LRRC28: variants seen among roughly 807,000 people sequenced by gnomAD.
LRRC28 encodes leucine rich repeat containing 28.
In LRRC28, 39 loss-of-function variants were observed where a neutral mutation model predicts 45.7. That is an observed-to-expected ratio of 0.85 (90% confidence interval 0.66 to 1.12). The LOEUF (loss-of-function observed/expected upper bound fraction) is 1.12. LRRC28 is among the 50% of genes most tolerant of loss of function. LRRC28 has a pLI of 0.00. For missense variants in LRRC28, 435 were observed against 438.5 expected, an observed-to-expected ratio of 0.99 and a Z score of 0.07; for synonymous variants, 206 against 178.8, an observed-to-expected ratio of 1.15 and a Z score of -1.22.
intron 9 of LRRC28, among the ~76,000 whole-genome samples, chr15:99,363,601 A>C (rs1322843363): frequency 6.6e-6 from 1 of 152,220 alleles, no homozygotes; most frequent in African/African-American, 2.4e-5. Context: ...ACATAACGGG[A>C]TGAGCCCAGC....
At chr15:99,330,897 CTT>C (rs1956139729) in intron 5 of LRRC28, among the ~76,000 whole-genome samples, 1 of 151,704 alleles carries the variant, frequency 6.6e-6, no homozygotes, top group Non-Finnish European at 1.5e-5. Flanking sequence ...TAGTTATCTT[CTT>C]GTTTCCTCTG....
intron 6 of LRRC28, among the ~76,000 whole-genome samples, chr15:99,347,121 T>A (rs1259512349): frequency 6.6e-6 from 1 of 152,200 alleles, no homozygotes; most frequent in Non-Finnish European, 1.5e-5. Flanking sequence ...CTGAACTTGT[T>A]CATCCTATAT....
chr15:99,388,171 A>G lies in LRRC28; in HGVS notation c.*2069A>G, dbSNP rs978345214. On this transcript the variant is annotated 3_prime_UTR_variant, in exon 10 of 10. Transcript: ENST00000301981. The stretch of plus-strand genomic sequence containing the variant: ...ATAAGTTAGCTGGTGAAAATGTGGC[A>G]TGAAACTTCACAATTGTGCTTCAGG... The G allele has an allele frequency of 6.6e-6, 1 of 152,270 alleles. No individual in the cohort carries two copies. Among genetic ancestry groups the G allele is most frequent in the African/African-American group, 2.4e-5 (1 of 41,474 alleles). 9.4% of individuals were successfully genotyped at this position (152,270 alleles called of 1,614,324 possible).
At position 99,256,099 on chromosome 15, in the gene LRRC28, A is replaced by G. The variant is rs761220145; in HGVS notation, c.142A>G (p.Met48Val). 1.2e-6 allele frequency: 2 copies of G among 1,611,380 alleles called. No individual in the cohort carries two copies. Among genetic ancestry groups the G allele is most frequent in the Non-Finnish European group, 1.7e-6 (2 of 1,179,006 alleles). The part of the protein sequence containing the change: ...EGLQYLERLY[M>V]KRNSLTSLPE... ...ACTGCAGTACTTGGAGAGACTCTAT[A>G]TGAAAAGGAACTCCCTGACATCCTT... The change falls in exon 2 of 10, where the codon ATG (methionine) becomes GTG (valine). Residue 48 changes from methionine to valine, a missense_variant. Coordinates refer to ENST00000301981, the MANE Select transcript of LRRC28 (RefSeq NM_144598.5).
intron 6 of LRRC28, among the ~76,000 whole-genome samples, chr15:99,342,009 A>G (rs1218269940): frequency 2.6e-5 from 4 of 152,218 alleles, no homozygotes; most frequent in Admixed American, 1.3e-4. Flanking sequence ...TGCTCTTCAT[A>G]CAAGCAGCCA....
At position 99,386,130 on chromosome 15, in the gene LRRC28, G is replaced by A. The variant is rs370623903; in HGVS notation, c.*28G>A. The A allele has an allele frequency of 9.4e-6, 15 of 1,589,366 alleles. No homozygotes were observed. In the African/African-American group the frequency reaches 1.7e-4, roughly 18 times the overall value. On this transcript the variant is annotated 3_prime_UTR_variant, in exon 10 of 10. Transcript: ENST00000301981. Reference sequence around the variant, plus strand: ...AACACTCAAGAACCTCAGGAGCGCTGCCAGCTTGACACTGGGGAATCCAGC... The same window carrying A: ...AACACTCAAGAACCTCAGGAGCGCTACCAGCTTGACACTGGGGAATCCAGC...
intron 5 of LRRC28, among the ~76,000 whole-genome samples, chr15:99,294,287 C>T (rs1019338600): frequency 4.6e-5 from 7 of 151,962 alleles, no homozygotes; most frequent in Non-Finnish European, 1.0e-4. Flanking sequence ...TCTGGTTACG[C>T]ACATTAGATA....
intron 7 of LRRC28, among the ~76,000 whole-genome samples, chr15:99,353,279 C>A (rs1440960605): frequency 6.6e-6 from 1 of 152,164 alleles, no homozygotes; most frequent in Non-Finnish European, 1.5e-5. Flanking sequence ...CCTTCTAGTC[C>A]CCATCATCCT....
intron 2 of LRRC28, among the ~76,000 whole-genome samples, chr15:99,261,960 CT>C (rs2081210455): frequency 2.0e-5 from 3 of 152,008 alleles, no homozygotes; most frequent in Non-Finnish European, 4.4e-5. Flanking sequence ...CCCGGCTGGT[CT>C]CACCTTTTAA....
chr15:99,387,121 C>CT lies in LRRC28; in HGVS notation c.*1019_*1020insT, dbSNP rs1397078100. The stretch of plus-strand genomic sequence containing the variant: ...TGTCGCCCAGGCTGGAGTGCAGTGG[C>CT]GGGATCTCGGCTCACTGCAAGCTCC... On this transcript the variant is annotated 3_prime_UTR_variant, in exon 10 of 10. Transcript: ENST00000301981. The CT allele has an allele frequency of 6.6e-6, 1 of 150,886 alleles. No homozygotes were observed. The highest frequency in any genetic ancestry group is 6.6e-5 in the Admixed American group (1 of 15,134). The allele number at this position is 150,886 out of a possible 1,614,324, so 9.3% of individuals were successfully genotyped here.
Position 99,334,106 on chromosome 15 carries a change from A to G in LRRC28, c.569A>G (p.Asn190Ser). Residue 190 changes from asparagine to serine, a missense_variant, in exon 6 of 10, where the codon AAC (asparagine) becomes AGC (serine). Coordinates refer to ENST00000301981, the MANE Select transcript of LRRC28 (RefSeq NM_144598.5). ...CTCAATGAGCTCTCCATGGCTGGAA[A>G]CCGTCTTGCATTTTTGCCACTTGGT... ...PSLNELSMAG[N>S]RLAFLPLDLG... 1 of 1,614,132 alleles carries G rather than the reference A, an allele frequency of 6.2e-7. No homozygotes were observed. Among genetic ancestry groups the G allele is most frequent in the Non-Finnish European group, 8.5e-7 (1 of 1,179,978 alleles).
rs747805092 is a variant in LRRC28, at chr15:99,389,129, T to C, written c.*3027T>C. 6 of 152,370 alleles carry C rather than the reference T, an allele frequency of 3.9e-5. No homozygotes were observed. In the East Asian group the frequency reaches 7.7e-4, roughly 20 times the overall value. The allele number at this position is 152,370 out of a possible 1,614,324, so 9.4% of individuals were successfully genotyped here. ...AACGGATAAGAGTGATGAACTTCTT[T>C]GTTACCTGACCCTTCTCTTCTGGAA... On this transcript the variant is annotated 3_prime_UTR_variant, in exon 10 of 10. Coordinates refer to ENST00000301981, the MANE Select transcript of LRRC28 (RefSeq NM_144598.5).
intron 2 of LRRC28, among the ~76,000 whole-genome samples, chr15:99,261,879 A>G (rs1232668006): frequency 2.0e-5 from 3 of 150,988 alleles, no homozygotes; most frequent in South Asian, 2.1e-4. Context: ...CTAGTCTTGA[A>G]CTCCTGACCT....
At chr15:99,338,314 C>T (rs1956394609) in intron 6 of LRRC28, 1 of 152,360 alleles carries the variant, frequency 6.6e-6, no homozygotes, top group Non-Finnish European at 1.5e-5. Context: ...TTCTGAAAAA[C>T]CAAAGCCATC....
At chr15:99,273,473 G>T (rs12593192) in intron 2 of LRRC28, among the ~76,000 whole-genome samples, 14,246 of 148,946 alleles carry the variant, frequency 0.096, 971 homozygotes, top group East Asian at 0.32. Flanking sequence ...TGCTGACCTC[G>T]TGATCTGCCC....
intron 3 of LRRC28, among the ~76,000 whole-genome samples, chr15:99,279,338 C>G (rs545388483): frequency 1.8e-4 from 28 of 152,290 alleles, no homozygotes; most frequent in Non-Finnish European, 3.7e-4. Flanking sequence ...ATTTTGAAAG[C>G]TTTTCCTTTT....
intron 1 of LRRC28, among the ~76,000 whole-genome samples, chr15:99,255,622 G>A (rs889645382): frequency 6.6e-6 from 1 of 151,998 alleles, no homozygotes; most frequent in African/African-American, 2.4e-5. Context: ...CTTACACAAG[G>A]TTTCCTATCT....
chr15:99,283,993 A>T (rs1447250568), intron 3 of LRRC28, among the ~76,000 whole-genome samples: 2 of 152,244 alleles, frequency 1.3e-5, no homozygotes, highest in East Asian at 3.8e-4. Context: ...GGAGCCAAGC[A>T]CTGTTCTAAG....
intron 5 of LRRC28, among the ~76,000 whole-genome samples, chr15:99,304,542 T>C (rs912864522): frequency 5.9e-5 from 9 of 152,160 alleles, no homozygotes; most frequent in African/African-American, 2.2e-4. Context: ...GTGATTCTTG[T>C]GCCTCAGTCT....
Sources: allele counts gnomAD v4.1 joint callset (sites outside exome capture counted in the v4.1 genomes callset), GRCh38; gene constraint gnomAD v4.1.1; transcripts MANE v1.5; gene names NCBI Gene and HGNC (gene_info 2026-07-23, HGNC 2026-07-21).